The following SLC35F3 variants were observed in gnomAD, a reference collection of about 807,000 sequenced individuals.
The protein encoded by SLC35F3 is solute carrier family 35 member F3, also known as putative thiamine transporter SLC35F3.
SLC35F3 carries 25 observed loss-of-function variants against 49.9 expected under a neutral mutation model. The observed-to-expected ratio is 0.50, with a 90% CI of 0.37 to 0.70. SLC35F3 has a LOEUF of 0.70. Ranked by LOEUF, SLC35F3 falls within the 30% of genes least tolerant of loss-of-function variation. SLC35F3 has a pLI of 0.00. For missense variants in SLC35F3, 525 were observed against 639.8 expected (o/e 0.82, Z 1.94); for synonymous variants, 275 against 265.4 (o/e 1.04, Z -0.35).
intron 2 of SLC35F3, among the ~76,000 whole-genome samples, chr1:233,914,168 T>C (rs771330347): frequency 1.8e-4 from 28 of 152,146 alleles, no homozygotes; most frequent in South Asian, 6.2e-4. Flanking sequence ...GGTAGACTCC[T>C]GATCCATGCT....
chr1:233,939,108 T>G (rs999234431), intron 2 of SLC35F3, among the ~76,000 whole-genome samples: 39 of 152,106 alleles, frequency 2.6e-4, no homozygotes, highest in Admixed American at 1.7e-3. Flanking sequence ...AACACTAACT[T>G]AAATAAATAA....
chr1:234,146,574 C>T (rs547650677), intron 2 of SLC35F3, among the ~76,000 whole-genome samples: 1 of 146,760 alleles, frequency 6.8e-6, no homozygotes, highest in East Asian at 2.2e-4. Context: ...TCACTGCAAC[C>T]TCCACCTCCC....
At chr1:234,122,797 C>G (rs1271133417) in intron 2 of SLC35F3, among the ~76,000 whole-genome samples, 4 of 152,304 alleles carry the variant, frequency 2.6e-5, no homozygotes, top group Non-Finnish European at 5.9e-5. Flanking sequence ...AGGACATGAT[C>G]TCATTCTTTT....
At chr1:234,194,242 T>G (rs1312025283) in intron 2 of SLC35F3, among the ~76,000 whole-genome samples, 30 of 152,156 alleles carry the variant, frequency 2.0e-4, no homozygotes, top group Non-Finnish European at 4.4e-5. Context: ...ATAAACACAT[T>G]GTTTATGGAA....
intron 2 of SLC35F3, among the ~76,000 whole-genome samples, chr1:234,060,688 G>A (rs537291131): frequency 1.5e-3 from 225 of 152,188 alleles, no homozygotes; most frequent in Middle Eastern, 3.4e-3. Context: ...TTGAGCTCAG[G>A]CAATCCACCT....
At chr1:234,003,473 C>G (rs985764612) in intron 2 of SLC35F3, among the ~76,000 whole-genome samples, 1 of 152,172 alleles carries the variant, frequency 6.6e-6, no homozygotes, top group South Asian at 2.1e-4. Context: ...CCATACAAAA[C>G]AAAGTTAGGC....
intron 3 of SLC35F3, among the ~76,000 whole-genome samples, chr1:234,298,541 G>A (rs921923853): frequency 1.3e-5 from 2 of 152,144 alleles, no homozygotes; most frequent in African/African-American, 4.8e-5. Flanking sequence ...AGTGTTCCTC[G>A]GACACATTTT....
At chr1:233,913,654 T>TA (rs1422305568) in intron 2 of SLC35F3, among the ~76,000 whole-genome samples, 1 of 152,332 alleles carries the variant, frequency 6.6e-6, no homozygotes, top group East Asian at 1.9e-4. Flanking sequence ...CTCAGGCACA[T>TA]ACACAAATGG....
intron 2 of SLC35F3, among the ~76,000 whole-genome samples, chr1:234,144,115 T>C (rs949183921): frequency 6.6e-6 from 1 of 152,298 alleles, no homozygotes; most frequent in East Asian, 1.9e-4. Context: ...GCAGGGGAGA[T>C]GGCACCACGC....
chr1:234,059,950 C>A (rs559319140), intron 2 of SLC35F3, among the ~76,000 whole-genome samples: 19 of 152,258 alleles, frequency 1.2e-4, no homozygotes, highest in South Asian at 8.3e-4. Context: ...TCTGCCTTCC[C>A]CAGCCCACTG....
At chr1:234,309,015 T>TTAAAA in intron 3 of SLC35F3, 86 bp from the exon 4 acceptor site, 2 of 951,494 alleles carry the variant, frequency 2.1e-6, no homozygotes, top group Non-Finnish European at 3.1e-6. Context: ...TATATTTGCT[T>TTAAAA]AAAAAAAAAA....
chr1:234,240,331 G>T (rs139375165), intron 3 of SLC35F3, among the ~76,000 whole-genome samples: 1 of 149,204 alleles, frequency 6.7e-6, no homozygotes, highest in Non-Finnish European at 1.5e-5. Flanking sequence ...TTAGCTGGAC[G>T]TGGTGGCATA....
At chr1:234,184,047 A>C (rs1572085317) in intron 2 of SLC35F3, among the ~76,000 whole-genome samples, 1 of 152,094 alleles carries the variant, frequency 6.6e-6, no homozygotes, top group African/African-American at 2.4e-5. Flanking sequence ...TTTGTAGGCT[A>C]TGTGTTAGAT....
chr1:234,137,703 A>G (rs776449229), intron 2 of SLC35F3, among the ~76,000 whole-genome samples: 8 of 152,198 alleles, frequency 5.3e-5, no homozygotes, highest in Non-Finnish European at 1.0e-4. Flanking sequence ...CCGAAGATGG[A>G]GCTGAAAGTA....
chr1:233,939,968 C>A (rs1378406547), intron 2 of SLC35F3, among the ~76,000 whole-genome samples: 1 of 152,142 alleles, frequency 6.6e-6, no homozygotes, highest in East Asian at 1.9e-4. Context: ...TAATAATACA[C>A]ACAATAAATA....
intron 2 of SLC35F3, among the ~76,000 whole-genome samples, chr1:233,995,480 G>A (rs1663442913): frequency 6.6e-6 from 1 of 152,174 alleles, no homozygotes. Flanking sequence ...TATTTTAAAT[G>A]AAGTGTTAAG....
chr1:234,278,564 A>G (rs1367187495), intron 3 of SLC35F3, among the ~76,000 whole-genome samples: 1 of 152,096 alleles, frequency 6.6e-6, no homozygotes, highest in Non-Finnish European at 1.5e-5. Flanking sequence ...TTCTCCTAAG[A>G]TAACTTTTTG....
Position 234,104,173 on chromosome 1 carries a change from C to G in SLC35F3, c.284-127244C>G, listed in dbSNP as rs9435561. 3.0e-3 allele frequency among the ~76,000 whole-genome samples: 460 copies of G among 152,274 alleles called. 4 individuals are homozygous for G. Among genetic ancestry groups the G allele is most frequent in the African/African-American group, 0.011 (444 of 41,544 alleles). ...GAAGTGAGCAAAGAAGAAACCTTAT[C>G]CTAGGCTGGAAAGATGGCAGCCCAT... On this transcript the variant is annotated intron_variant, in intron 2 of 7. Coordinates refer to ENST00000366618, the MANE Select transcript of SLC35F3 (RefSeq NM_173508.4).
chr1:234,018,186 A>C (rs547398499), intron 2 of SLC35F3, among the ~76,000 whole-genome samples: 1 of 152,348 alleles, frequency 6.6e-6, no homozygotes, highest in Non-Finnish European at 1.5e-5. Flanking sequence ...GGATAGACAT[A>C]AATTTTAGCA....
Sources: gnomAD v4.1 joint callset for allele counts (sites outside exome capture counted in the v4.1 genomes callset) on GRCh38, gnomAD v4.1.1 for gene constraint, MANE v1.5 for transcripts, NCBI Gene and HGNC (gene_info 2026-07-23, HGNC 2026-07-21) for gene names.